The following CDH18 variants were observed in gnomAD, a reference collection of about 807,000 sequenced individuals.
CDH18 encodes cadherin-18.
Under a neutral mutation model 67.9 loss-of-function variants are expected in CDH18, and 31 were observed. That is an observed-to-expected ratio of 0.46 (90% CI 0.34 to 0.62). The LOEUF (loss-of-function observed/expected upper bound fraction) is 0.62. Ranked by LOEUF, CDH18 falls within the 20% of genes least tolerant of loss-of-function variation. The probability of loss-of-function intolerance (pLI) is 0.01; values close to 1 mark genes in which losing one functional copy is unlikely to be tolerated. For synonymous variants in CDH18, 362 were observed against 347.2 expected (o/e 1.04, Z -0.48); for missense variants, 890 against 975.5 (o/e 0.91, Z 1.17).
chr5:19,818,119 T>C (rs954259230), intron 3 of CDH18, among the ~76,000 whole-genome samples: 1 of 152,142 alleles, frequency 6.6e-6, no homozygotes, highest in African/African-American at 2.4e-5. Flanking sequence ...TGAACCCTGA[T>C]CTAAACCATA....
Position 20,454,377 on chromosome 5 carries a change from A to AAAATAAAGAAATTTATGTATCTAT in CDH18, c.-580+121084_-580+121085insATAGATACATAAATTTCTTTATTT, listed in dbSNP as rs1424795843. On this transcript the variant is annotated intron_variant, in intron 1 of 14. Coordinates refer to the CDH18 transcript ENST00000507958. Reference sequence around the variant, plus strand: ...GAACAAGGAAGAAATTTATGTAATAAAGATTACAAAAATAAGTATTCTATA... The same window carrying AAAATAAAGAAATTTATGTATCTAT: ...GAACAAGGAAGAAATTTATGTAATAAAAATAAAGAAATTTATGTATCTATAGATTACAAAAATAAGTATTCTATA... 4.6e-5 allele frequency among the ~76,000 whole-genome samples: 7 copies of AAAATAAAGAAATTTATGTATCTAT among 152,250 alleles called. No homozygotes were observed. In the South Asian group the frequency reaches 1.4e-3, roughly 31 times the overall value.
intron 2 of CDH18, among the ~76,000 whole-genome samples, chr5:20,210,512 T>C (rs1740272804): frequency 6.6e-6 from 1 of 152,028 alleles, no homozygotes; most frequent in African/African-American, 2.4e-5. Flanking sequence ...CCAATTAGTT[T>C]CAATCTTAAT....
intron 2 of CDH18, among the ~76,000 whole-genome samples, chr5:20,204,365 A>G (rs1392422874): frequency 6.6e-6 from 1 of 151,802 alleles, no homozygotes; most frequent in East Asian, 1.9e-4. Flanking sequence ...TAAGGAAAAA[A>G]AAAGTGCCAT....
At chr5:19,688,414 A>C (rs1761411459) in intron 5 of CDH18, among the ~76,000 whole-genome samples, 1 of 152,168 alleles carries the variant, frequency 6.6e-6, no homozygotes, top group African/African-American at 2.4e-5. Context: ...TACTGAGGAA[A>C]TCACAGACAT....
rs376614907 is a variant in CDH18 at position 20,209,644 on chromosome 5, A to G, written c.-518+45800T>C. On this transcript the variant is annotated intron_variant, in intron 2 of 14. Coordinates refer to the CDH18 transcript ENST00000507958. ...GAGGTTGACCAATGAGTACAAATAT[A>G]TAATTAGATAAAAGAAATAAGTCCT... is the stretch of plus-strand genomic sequence containing the variant. 5.8e-4 allele frequency among the ~76,000 whole-genome samples: 89 copies of G among 152,148 alleles called. No individual in the cohort carries two copies. In the South Asian group the frequency reaches 0.016, roughly 28 times the overall value.
rs185616193 is a variant in CDH18 at position 20,137,676 on chromosome 5, G to T, written c.-518+117768C>A. On this transcript the variant is annotated intron_variant, in intron 2 of 14. Coordinates refer to the CDH18 transcript ENST00000507958. The stretch of plus-strand genomic sequence containing the variant: ...GAGGAGAAGAGGCACTCTGATTTTT[G>T]GAATTTTCAGCTTTTCTCCTCTGTT... Among the ~76,000 whole-genome samples, 39 of 152,056 alleles carry T rather than the reference G, an allele frequency of 2.6e-4. 1 individual carries two copies. In the East Asian group the frequency reaches 5.6e-3, roughly 22 times the overall value.
intron 1 of CDH18, among the ~76,000 whole-genome samples, chr5:20,448,058 C>G (rs1414548005): frequency 6.6e-6 from 1 of 151,960 alleles, no homozygotes; most frequent in Non-Finnish European, 1.5e-5. Flanking sequence ...CCCTCTCCCC[C>G]CACCCCACAA....
At chr5:19,805,946 A>G (rs2149871739) in intron 3 of CDH18, among the ~76,000 whole-genome samples, 1 of 152,116 alleles carries the variant, frequency 6.6e-6, no homozygotes, top group East Asian at 1.9e-4. Context: ...CCATATAGCT[A>G]TTTTCTTCTT....
chr5:20,532,825 T>C (rs1462674601), intron 1 of CDH18, among the ~76,000 whole-genome samples: 1 of 152,116 alleles, frequency 6.6e-6, no homozygotes, highest in Non-Finnish European at 1.5e-5. Flanking sequence ...TCTCTTAATA[T>C]TGATGTTTTA....
intron 4 of CDH18, among the ~76,000 whole-genome samples, chr5:19,729,092 T>C (rs1767250713): frequency 6.6e-6 from 1 of 152,316 alleles, no homozygotes; most frequent in East Asian, 1.9e-4. Flanking sequence ...GTACTAACTA[T>C]AAAACCACAG....
chr5:20,058,470 C>T (rs1742186852), intron 2 of CDH18, among the ~76,000 whole-genome samples: 1 of 152,152 alleles, frequency 6.6e-6, no homozygotes, highest in South Asian at 2.1e-4. Flanking sequence ...AACTTAATTT[C>T]CTTCTCAGGG....
intron 11 of CDH18, among the ~76,000 whole-genome samples, chr5:19,500,754 A>G (rs572029410): frequency 6.6e-6 from 1 of 152,314 alleles, no homozygotes; most frequent in African/African-American, 2.4e-5. Flanking sequence ...AAGCATGTAC[A>G]TATTTTTTAG....
intron 1 of CDH18, among the ~76,000 whole-genome samples, chr5:20,413,811 G>A (rs1304910540): frequency 6.6e-6 from 1 of 152,130 alleles, no homozygotes; most frequent in East Asian, 1.9e-4. Context: ...AAGCTCTTTA[G>A]TTTAATTAGA....
intron 1 of CDH18, among the ~76,000 whole-genome samples, chr5:20,545,226 C>A (rs755168882): frequency 1.5e-4 from 23 of 152,166 alleles, no homozygotes; most frequent in Admixed American, 1.5e-3. Flanking sequence ...CAGGAGCTGG[C>A]ATTGGGTACT....
At chr5:19,973,299 G>A (rs1798198921) in intron 2 of CDH18, among the ~76,000 whole-genome samples, 1 of 152,104 alleles carries the variant, frequency 6.6e-6, no homozygotes, top group African/African-American at 2.4e-5. Context: ...AAGAGAATAG[G>A]ACTGTAAAAG....
chr5:19,595,032 T>TA (rs1310344137), intron 6 of CDH18, among the ~76,000 whole-genome samples: 1 of 151,916 alleles, frequency 6.6e-6, no homozygotes, highest in African/African-American at 2.4e-5. Context: ...ATTACATATA[T>TA]AAAAAAACAG....
intron 5 of CDH18, among the ~76,000 whole-genome samples, chr5:19,655,987 T>A (rs1340397972): frequency 1.4e-5 from 1 of 70,718 alleles, no homozygotes; most frequent in Non-Finnish European, 3.2e-5. Flanking sequence ...TACTCACTTC[T>A]TTTTTTTTTT....
chr5:19,703,107 C>A (rs888029522), intron 5 of CDH18, among the ~76,000 whole-genome samples: 3 of 152,168 alleles, frequency 2.0e-5, no homozygotes, highest in Non-Finnish European at 4.4e-5. Flanking sequence ...ATTCCTACTC[C>A]GCACTCCATA....
At chr5:19,524,767 A>G (rs1438565854) in intron 9 of CDH18, among the ~76,000 whole-genome samples, 2 of 151,894 alleles carry the variant, frequency 1.3e-5, no homozygotes, top group African/African-American at 4.8e-5. Context: ...TTTTTCTGAG[A>G]TGGAGTCTCG....
Sources: gnomAD v4.1 joint callset for allele counts (sites outside exome capture counted in the v4.1 genomes callset) on GRCh38, gnomAD v4.1.1 for gene constraint, MANE v1.5 for transcripts, NCBI Gene and HGNC (gene_info 2026-07-23, HGNC 2026-07-21) for gene names.